DLGAP2: variants seen among roughly 807,000 people sequenced by gnomAD.
DLGAP2 encodes the protein DLG associated protein 2, also known as disks large-associated protein 2.
In DLGAP2, 26 loss-of-function variants were observed where a neutral mutation model predicts 100.3. The ratio of observed to expected loss-of-function variants is 0.26; its 90% CI spans 0.19 to 0.36. DLGAP2 has a LOEUF of 0.36. DLGAP2 is among the 10% of genes least tolerant of loss of function. The probability of loss-of-function intolerance (pLI) is 1.00; values close to 1 mark genes in which losing one functional copy is unlikely to be tolerated. For missense variants in DLGAP2, 1,858 were observed against 1,453.2 expected, an observed-to-expected ratio of 1.28 and a Z score of -4.53; for synonymous variants, 886 against 630.1, an observed-to-expected ratio of 1.41 and a Z score of -6.08.
At chr8:1,655,932 G>A (rs548996658) in intron 8 of DLGAP2, among the ~76,000 whole-genome samples, 3 of 152,372 alleles carry the variant, frequency 2.0e-5, no homozygotes, top group South Asian at 2.1e-4. Flanking sequence ...GCAGGCCAGC[G>A]TGGTAGCTGC....
rs368030376 is a variant in DLGAP2, at chr8:1,432,446, GTTTA to G, written c.107-68916_107-68913del. On this transcript the variant is annotated intron_variant, in intron 3 of 14. Coordinates refer to ENST00000637795, the MANE Select transcript of DLGAP2 (RefSeq NM_001346810.2). Reference sequence around the variant, plus strand: ...AAGGAAGCCACAGTCCTGTCTAAATGTTTATTTGTCATTTTCCCATAAAGATTCA... The same window carrying G: ...AAGGAAGCCACAGTCCTGTCTAAATGTTTGTCATTTTCCCATAAAGATTCA... Among the ~76,000 whole-genome samples the G allele has an allele frequency of 9.4e-4, 143 of 152,248 alleles. 1 individual carries two copies. The East Asian group carries it at 0.012, about 13-fold the overall frequency.
chr8:840,691 T>C (rs1396600215), intron 1 of DLGAP2, among the ~76,000 whole-genome samples: 5 of 129,364 alleles, frequency 3.9e-5, no homozygotes, highest in Admixed American at 8.1e-5. Flanking sequence ...CACACCTGTA[T>C]GTCTCCCTAC....
chr8:822,895 T>C (rs1027603004), intron 1 of DLGAP2, among the ~76,000 whole-genome samples: 1 of 152,064 alleles, frequency 6.6e-6, no homozygotes, highest in African/African-American at 2.4e-5. Flanking sequence ...AAAGAGCAGA[T>C]TGGAGAGGAG....
At chr8:853,434 G>C (rs1458378699) in intron 1 of DLGAP2, among the ~76,000 whole-genome samples, 1 of 152,238 alleles carries the variant, frequency 6.6e-6, no homozygotes, top group East Asian at 1.9e-4. Context: ...GCCAGCAGGA[G>C]AGCAGGTGTG....
intron 3 of DLGAP2, among the ~76,000 whole-genome samples, chr8:1,314,369 G>A (rs181240509): frequency 6.6e-6 from 1 of 152,254 alleles, no homozygotes; most frequent in East Asian, 1.9e-4. Flanking sequence ...TGTTCACCTT[G>A]GAAGTGCATA....
At chr8:1,266,414 T>C (rs1361907774) in intron 3 of DLGAP2, among the ~76,000 whole-genome samples, 1 of 152,206 alleles carries the variant, frequency 6.6e-6, no homozygotes, top group Non-Finnish European at 1.5e-5. Flanking sequence ...CTGCTGTCCC[T>C]TCCCGGGGTC....
At chr8:794,532 T>G (rs1024985764) in intron 1 of DLGAP2, among the ~76,000 whole-genome samples, 3 of 152,252 alleles carry the variant, frequency 2.0e-5, no homozygotes, top group Non-Finnish European at 4.4e-5. Context: ...GCTAGTTAAC[T>G]GCAGCAGGAG....
chr8:1,538,706 C>G (rs1325380209), intron 4 of DLGAP2, among the ~76,000 whole-genome samples: 2 of 152,064 alleles, frequency 1.3e-5, no homozygotes, highest in Non-Finnish European at 2.9e-5. Context: ...CATTGTCATT[C>G]CAACCTCTCT....
chr8:886,406 C>T (rs1797922740), intron 1 of DLGAP2, among the ~76,000 whole-genome samples: 1 of 152,074 alleles, frequency 6.6e-6, no homozygotes, highest in African/African-American at 2.4e-5. Flanking sequence ...TTCTTGTCTT[C>T]TGCTAGCTTT....
intron 2 of DLGAP2, among the ~76,000 whole-genome samples, chr8:1,107,772 C>T (rs1030223632): frequency 2.0e-5 from 3 of 152,240 alleles, no homozygotes; most frequent in Admixed American, 1.3e-4. Context: ...CTCCATCCCC[C>T]TCTGTGAGTT....
intron 2 of DLGAP2, among the ~76,000 whole-genome samples, chr8:1,011,524 C>A (rs1247381050): frequency 6.7e-6 from 1 of 150,250 alleles, no homozygotes; most frequent in Non-Finnish European, 1.5e-5. Context: ...CACAGTGAGC[C>A]CTGGAATGAG....
intron 6 of DLGAP2, among the ~76,000 whole-genome samples, chr8:1,590,774 T>A (rs1363137354): frequency 6.6e-6 from 1 of 152,168 alleles, no homozygotes; most frequent in African/African-American, 2.4e-5. Flanking sequence ...TGAGGGACAT[T>A]CCTTCCTCCC....
At chr8:1,432,100 C>T (rs1030583772) in intron 3 of DLGAP2, among the ~76,000 whole-genome samples, 1 of 152,188 alleles carries the variant, frequency 6.6e-6, no homozygotes, top group Admixed American at 6.5e-5. Context: ...TACAGGCTGC[C>T]ATCCATCGGG....
chr8:1,089,313 G>C (rs772097275), intron 2 of DLGAP2, among the ~76,000 whole-genome samples: 3 of 152,248 alleles, frequency 2.0e-5, no homozygotes, highest in Non-Finnish European at 4.4e-5. Context: ...GTCGGCCTGA[G>C]TGGCACCACA....
At chr8:1,694,512 A>T (rs1423332623) in intron 13 of DLGAP2, among the ~76,000 whole-genome samples, 1 of 152,232 alleles carries the variant, frequency 6.6e-6, no homozygotes, top group Admixed American at 6.5e-5. Context: ...TGACACAACC[A>T]GAAGGCACAT....
chr8:1,622,102 T>G (rs1797358769), intron 6 of DLGAP2: 1 of 152,264 alleles, frequency 6.6e-6, no homozygotes, highest in African/African-American at 2.4e-5. Flanking sequence ...GCAGGTGGAA[T>G]AATACACACA....
chr8:761,190 C>A (rs539566658), intron 1 of DLGAP2, among the ~76,000 whole-genome samples: 12 of 152,168 alleles, frequency 7.9e-5, no homozygotes, highest in African/African-American at 2.2e-4. Flanking sequence ...TGCTCCCCCC[C>A]ACTTTACTTT....
intron 3 of DLGAP2, among the ~76,000 whole-genome samples, chr8:1,261,938 G>A (rs542410822): frequency 1.4e-3 from 209 of 152,310 alleles, no homozygotes; most frequent in African/African-American, 4.7e-3. Flanking sequence ...CGGCTCGGAT[G>A]TGGGTGTGCA....
At chr8:1,335,721 C>T (rs965498410) in intron 3 of DLGAP2, among the ~76,000 whole-genome samples, 1 of 152,182 alleles carries the variant, frequency 6.6e-6, no homozygotes, top group South Asian at 2.1e-4. Flanking sequence ...GCAGGACGCC[C>T]AGGGAACCCT....
Sources: allele counts gnomAD v4.1 joint callset (sites outside exome capture counted in the v4.1 genomes callset), GRCh38; gene constraint gnomAD v4.1.1; transcripts MANE v1.5; gene names NCBI Gene and HGNC (gene_info 2026-07-23, HGNC 2026-07-21).